The following NCAPH variants were observed in gnomAD, a reference collection of about 807,000 sequenced individuals.
The protein encoded by NCAPH is condensin complex subunit 2.
In NCAPH, 38 loss-of-function variants were observed where a neutral mutation model predicts 85.5. The observed-to-expected ratio is 0.44, with a 90% CI of 0.34 to 0.58. The LOEUF (loss-of-function observed/expected upper bound fraction) is 0.58. Among genes scored for constraint, NCAPH ranks in the 20% least tolerant of loss-of-function variants. The pLI, the probability that NCAPH is intolerant of heterozygous loss-of-function variation, is 0.01. For synonymous variants in NCAPH, 301 were observed against 335.1 expected (o/e 0.90, Z 1.11); for missense variants, 789 against 916.6 (o/e 0.86, Z 1.80).
In NCAPH at chr2:96,376,601, G is replaced by T. The variant is rs561569395; in HGVS notation, c.*3250G>T. Among the ~76,000 whole-genome samples the T allele has an allele frequency of 4.7e-4, 71 of 152,148 alleles. No individual in the cohort carries two copies. Among genetic ancestry groups the T allele is most frequent in the Non-Finnish European group, 8.7e-4 (59 of 68,026 alleles). On this transcript the variant is annotated 3_prime_UTR_variant, in exon 18 of 18. Transcript: ENST00000240423. ...TGGATCACAGGCAGAGTGGGGCATT[G>T]TTCCCCTTCTTAGCACAGGATACTG...
intron 1 of NCAPH, 44 bp downstream of exon 1, chr2:96,335,892 G>A: frequency 7.0e-7 from 1 of 1,432,054 alleles, no homozygotes; most frequent in Non-Finnish European, 9.2e-7. Flanking sequence ...GGCCCCTAGC[G>A]AAGCAGTACT....
intron 12 of NCAPH, among the ~76,000 whole-genome samples, chr2:96,361,668 C>T (rs1042722837): frequency 2.9e-4 from 44 of 150,968 alleles, no homozygotes; most frequent in African/African-American, 9.8e-4. Context: ...ACTTGCATTA[C>T]TGGTTCTCCT....
intron 1 of NCAPH, among the ~76,000 whole-genome samples, chr2:96,336,094 C>T: frequency 6.6e-6 from 1 of 152,024 alleles, no homozygotes; most frequent in East Asian, 1.9e-4. Context: ...CGGGCCCTGC[C>T]TCACACTCCT....
intron 6 of NCAPH, among the ~76,000 whole-genome samples, chr2:96,347,278 G>GT (rs34345809): frequency 0.36 from 50,593 of 140,280 alleles, 9,673 homozygotes; most frequent in East Asian, 0.48. Flanking sequence ...CCCTCAGCCT[G>GT]TTTTTTTTTT....
chr2:96,358,500 A>G (rs570971219), intron 9 of NCAPH, among the ~76,000 whole-genome samples: 4 of 151,646 alleles, frequency 2.6e-5, no homozygotes, highest in South Asian at 2.1e-4. Context: ...ACGGAGTCTC[A>G]CTCTGTCACC....
At chr2:96,372,889 T>C (rs2064792351) in intron 17 of NCAPH, among the ~76,000 whole-genome samples, 1 of 152,226 alleles carries the variant, frequency 6.6e-6, no homozygotes. Context: ...GATTTGGTAC[T>C]ATATGAGTTC....
At chr2:96,373,271 C>T (rs2064796776) in intron 17 of NCAPH, 21 bp from the exon 18 acceptor site, 3 of 1,602,784 alleles carry the variant, frequency 1.9e-6, no homozygotes. Context: ...AAAGTCCATG[C>T]ATGTTTTGGT....
At chr2:96,370,925 C>T (rs1052930748) in intron 17 of NCAPH, among the ~76,000 whole-genome samples, 7 of 152,094 alleles carry the variant, frequency 4.6e-5, no homozygotes, top group African/African-American at 7.2e-5. Flanking sequence ...GGCAGTAAGG[C>T]GGTGACCGGT....
chr2:96,337,888 A>G (rs898120465), intron 1 of NCAPH, among the ~76,000 whole-genome samples: 4 of 149,858 alleles, frequency 2.7e-5, no homozygotes, highest in Non-Finnish European at 5.9e-5. Flanking sequence ...AATACCACCT[A>G]TATCTTTCTA....
intron 6 of NCAPH, among the ~76,000 whole-genome samples, chr2:96,347,719 AT>A (rs1384047334): frequency 2.6e-5 from 4 of 152,198 alleles, no homozygotes; most frequent in African/African-American, 9.6e-5. Flanking sequence ...TTTTTGTGTA[AT>A]TAATAAATAA....
chr2:96,340,776 GTCCGGCCT>G (rs1470582002), intron 1 of NCAPH, among the ~76,000 whole-genome samples: 1 of 147,472 alleles, frequency 6.8e-6, no homozygotes, highest in Non-Finnish European at 1.5e-5. Context: ...GAGCTACCAT[GTCCGGCCT>G]TTTTTTTTTT....
At chr2:96,341,293 T>C in intron 1 of NCAPH, 1 of 205,140 alleles carries the variant, frequency 4.9e-6, no homozygotes, top group Non-Finnish European at 9.8e-6. Flanking sequence ...TGTCTCTTCC[T>C]TGTCTTACCT....
chr2:96,358,890 G>A lies in NCAPH; in HGVS notation c.1209-155G>A, dbSNP rs143954913. ...TGATTATATTGTTATAAAATTAAGGGAAGGAAAAGTACTTGAGAAGTAAAA... is the reference window on the plus strand; with the variant it reads ...TGATTATATTGTTATAAAATTAAGGAAAGGAAAAGTACTTGAGAAGTAAAA... On this transcript the variant is annotated intron_variant, in intron 9 of 17. Coordinates refer to ENST00000240423, the MANE Select transcript of NCAPH (RefSeq NM_015341.5). Among the ~76,000 whole-genome samples the A allele has an allele frequency of 3.7e-3, 557 of 152,294 alleles. 5 individuals are homozygous for A. The highest frequency in any genetic ancestry group is 0.013 in the African/African-American group (524 of 41,558).
chr2:96,347,050 A>G (rs2104436880), intron 6 of NCAPH, among the ~76,000 whole-genome samples: 1 of 152,312 alleles, frequency 6.6e-6, no homozygotes, highest in African/African-American at 2.4e-5. Flanking sequence ...GGGGATTGGA[A>G]GATGACTGCA....
intron 11 of NCAPH, 45 bp downstream of exon 11, chr2:96,360,294 T>C: frequency 8.8e-7 from 1 of 1,136,726 alleles, no homozygotes; most frequent in Non-Finnish European, 1.3e-6. Flanking sequence ...GTTTTTCCCT[T>C]TCAGATGTGA....
At chr2:96,367,097 AAAACAAAC>A (rs542647359) in intron 14 of NCAPH, among the ~76,000 whole-genome samples, 152 bp from the exon 15 acceptor site, 9 of 152,096 alleles carry the variant, frequency 5.9e-5, no homozygotes, top group Non-Finnish European at 1.2e-4. Context: ...ACTCTGTCTC[AAAACAAAC>A]AAACAAACAA....
chr2:96,373,462 A>G lies in NCAPH; in HGVS notation c.*111A>G. The G allele has an allele frequency of 2.0e-6, 2 of 980,420 alleles. No homozygotes were observed. Among genetic ancestry groups the G allele is most frequent in the Non-Finnish European group, 3.2e-6 (2 of 628,204 alleles). The allele number at this position is 980,420 out of a possible 1,614,324, so 60.7% of individuals were successfully genotyped here. A position where few individuals can be genotyped will look rare whatever the true frequency, so the allele number is the denominator to read the frequency against. ...TGGGCTTATACCCAGGCTGTAGCCA[A>G]CTACCAACGTGCCTGTTTGTTTGTT... On this transcript the variant is annotated 3_prime_UTR_variant, in exon 18 of 18. Coordinates refer to ENST00000240423, the MANE Select transcript of NCAPH (RefSeq NM_015341.5).
chr2:96,356,986 T>G (rs2104463793), intron 9 of NCAPH, among the ~76,000 whole-genome samples: 1 of 152,352 alleles, frequency 6.6e-6, no homozygotes, highest in Non-Finnish European at 1.5e-5. Flanking sequence ...GCTCCCTCTC[T>G]GTGCAGCAGC....
At chr2:96,358,127 A>G (rs1387189047) in intron 9 of NCAPH, among the ~76,000 whole-genome samples, 1 of 152,214 alleles carries the variant, frequency 6.6e-6, no homozygotes, top group Non-Finnish European at 1.5e-5. Flanking sequence ...TTAAAAATGT[A>G]GAAAGAGTGA....
Sources: gnomAD v4.1 joint callset for allele counts (sites outside exome capture counted in the v4.1 genomes callset) on GRCh38, gnomAD v4.1.1 for gene constraint, MANE v1.5 for transcripts, NCBI Gene and HGNC (gene_info 2026-07-23, HGNC 2026-07-21) for gene names.